The following CCDC186 variants were observed in gnomAD, a reference collection of about 807,000 sequenced individuals.
The protein encoded by CCDC186 is coiled-coil domain containing 186, also known as coiled-coil domain-containing protein 186.
In CCDC186, 49 loss-of-function variants were observed where a neutral mutation model predicts 113.7. The observed-to-expected ratio is 0.43, with a 90% confidence interval of 0.34 to 0.55. CCDC186 has a LOEUF of 0.55. Ranked by LOEUF, CCDC186 falls within the 20% of genes least tolerant of loss-of-function variation. The probability of loss-of-function intolerance (pLI) is 0.02; values close to 1 mark genes in which losing one functional copy is unlikely to be tolerated. For missense variants in CCDC186, 890 were observed against 1,011.1 expected, an observed-to-expected ratio of 0.88 and a Z score of 1.62; for synonymous variants, 355 against 345.8, an observed-to-expected ratio of 1.03 and a Z score of -0.30.
At chr10:114,162,432 A>G (rs937181781) in intron 2 of CCDC186, 6 of 448,164 alleles carry the variant, frequency 1.3e-5, no homozygotes, top group Admixed American at 1.2e-4. Context: ...CATTTACACT[A>G]TTTAACATAT....
intron 3 of CCDC186, among the ~76,000 whole-genome samples, chr10:114,154,210 C>CAAAAAAAAAAA (rs1276405190): frequency 2.5e-5 from 2 of 81,152 alleles, no homozygotes; most frequent in Non-Finnish European, 2.7e-5. Flanking sequence ...GACCTTGTCT[C>CAAAAAAAAAAA]AAAAAAAAAA....
chr10:114,155,430 T>A (rs532135907), intron 3 of CCDC186, among the ~76,000 whole-genome samples: 1 of 152,318 alleles, frequency 6.6e-6, no homozygotes, highest in East Asian at 1.9e-4. Context: ...ATCCCAGCAC[T>A]TTGAGAGGCC....
rs763015249 is a variant in CCDC186, at chr10:114,157,643, C to A, written c.670G>T (p.Val224Leu). The A allele has an allele frequency of 8.7e-6, 14 of 1,605,448 alleles. No homozygotes were observed. The highest frequency in any genetic ancestry group is 1.2e-5 in the Non-Finnish European group (14 of 1,176,120). Residue 224 changes from valine to leucine, a missense_variant, in exon 3 of 16, where the codon GTA becomes TTA. Physicochemically the swap from Val to Leu is conservative, Grantham distance 32. Transcript: ENST00000369287. ...TTGTCTTTTTCTGAACAAATGTCTACGAAGAGCTCCTGATGCTTCTTATTT... is the reference window on the plus strand; with the variant it reads ...TTGTCTTTTTCTGAACAAATGTCTAAGAAGAGCTCCTGATGCTTCTTATTT... Reference protein sequence around the residue: ...KENKKHQELFVDICSEKDNLR... With the variant: ...KENKKHQELFLDICSEKDNLR...
chr10:114,149,626 A>G (rs1172540643), intron 4 of CCDC186, among the ~76,000 whole-genome samples: 15 of 2,326 alleles, frequency 6.4e-3, no homozygotes, highest in African/African-American at 0.012. Context: ...AGGGAAGGAA[A>G]GGGAGGGGAG....
At chr10:114,172,129 T>C (rs1026958746) in intron 1 of CCDC186, among the ~76,000 whole-genome samples, 1 of 148,780 alleles carries the variant, frequency 6.7e-6, no homozygotes, top group Non-Finnish European at 1.5e-5. Context: ...ACCTAAGTTT[T>C]ACTAAAAGAA....
rs145345585 is a variant in CCDC186, at chr10:114,132,858, A to T, written c.1656-674T>A. Among the ~76,000 whole-genome samples the T allele has an allele frequency of 2.1e-3, 316 of 152,352 alleles. 6 individuals carry two copies. In the East Asian group the frequency reaches 0.033, roughly 16 times the overall value. On this transcript the variant is annotated intron_variant, in intron 10 of 15. Transcript: ENST00000369287. ...CAATATTGATGAAGAGAAAGACTGT[A>T]CTATATCCCTAGCACTTAACACAGG...
chr10:114,139,851 C>G (rs2031410919), intron 6 of CCDC186, among the ~76,000 whole-genome samples: 1 of 151,998 alleles, frequency 6.6e-6, no homozygotes, highest in African/African-American at 2.4e-5. Flanking sequence ...TCATTAATAA[C>G]TAAAAAGAGC....
At chr10:114,148,726 G>A (rs2119789482) in intron 4 of CCDC186, among the ~76,000 whole-genome samples, 1 of 152,358 alleles carries the variant, frequency 6.6e-6, no homozygotes, top group East Asian at 1.9e-4. Context: ...TTACTGCTCT[G>A]TGATACTTAT....
chr10:114,150,777 T>C (rs2031832009), intron 4 of CCDC186, among the ~76,000 whole-genome samples: 1 of 152,132 alleles, frequency 6.6e-6, no homozygotes, highest in Non-Finnish European at 1.5e-5. Flanking sequence ...GCCTCCCAAG[T>C]AGCTGGGACT....
chr10:114,173,168 T>C (rs1210841313), intron 1 of CCDC186: 3 of 455,764 alleles, frequency 6.6e-6, no homozygotes, highest in Non-Finnish European at 1.3e-5. Context: ...ATTTTTACTA[T>C]ATTCTCTCTT....
chr10:114,134,672 C>G (rs760998833), intron 10 of CCDC186, among the ~76,000 whole-genome samples: 1 of 152,142 alleles, frequency 6.6e-6, no homozygotes, highest in South Asian at 2.1e-4. Context: ...AGAGACTCAA[C>G]CTATTCTGTC....
At chr10:114,149,738 A>AAGGC (rs1564912840) in intron 4 of CCDC186, among the ~76,000 whole-genome samples, 9 of 71,468 alleles carry the variant, frequency 1.3e-4, no homozygotes, top group African/African-American at 4.2e-4. Flanking sequence ...GGGACGAAGG[A>AAGGC]AGGAAGGCAG....
intron 6 of CCDC186, 128 bp from the exon 7 acceptor site, chr10:114,137,418 A>C (rs1162774572): frequency 1.6e-6 from 1 of 623,626 alleles, no homozygotes; most frequent in Non-Finnish European, 2.8e-6. Context: ...TCTAGCAATA[A>C]TATTTTATGT....
At chr10:114,152,149 T>C (rs956508651) in intron 3 of CCDC186, among the ~76,000 whole-genome samples, 1 of 152,064 alleles carries the variant, frequency 6.6e-6, no homozygotes, top group Non-Finnish European at 1.5e-5. Context: ...AAGACCAGCA[T>C]GGTCAACACA....
chr10:114,142,349 G>A (rs2031495761), intron 6 of CCDC186, among the ~76,000 whole-genome samples: 2 of 152,228 alleles, frequency 1.3e-5, no homozygotes, highest in Non-Finnish European at 2.9e-5. Flanking sequence ...CTCTGAAGCA[G>A]TTATGTCTGG....
chr10:114,131,146 C>A lies in CCDC186; in HGVS notation c.2101+1G>T. ...GGTCTAAGTGTGGAAGAATTTTATA[C>A]CTTGCTGAAGTTGTTTGGTGAGATC... On this transcript the variant is annotated splice_donor_variant, in intron 12 of 15. Coordinates refer to ENST00000369287, the MANE Select transcript of CCDC186 (RefSeq NM_018017.4). LOFTEE classifies it high-confidence loss of function. 2 of 1,510,262 alleles carry A rather than the reference C, an allele frequency of 1.3e-6. No individual in the cohort carries two copies. The highest frequency in any genetic ancestry group is 1.8e-6 in the Non-Finnish European group (2 of 1,132,688). The allele number at this position is 1,510,262 out of a possible 1,614,324, so 93.6% of individuals were successfully genotyped here.
At chr10:114,139,203 C>CTT (rs78214340) in intron 6 of CCDC186, among the ~76,000 whole-genome samples, 59 of 134,234 alleles carry the variant, frequency 4.4e-4, no homozygotes, top group African/African-American at 7.7e-4. Context: ...CCCTTTGTTC[C>CTT]TTTTTTTTTT....
At chr10:114,150,155 T>C (rs2031802628) in intron 4 of CCDC186, among the ~76,000 whole-genome samples, 1 of 152,196 alleles carries the variant, frequency 6.6e-6, no homozygotes, top group Non-Finnish European at 1.5e-5. Flanking sequence ...ATCCATCACA[T>C]TCAAATAATG....
intron 6 of CCDC186, among the ~76,000 whole-genome samples, chr10:114,141,212 G>C (rs2031456367): frequency 6.6e-6 from 1 of 152,046 alleles, no homozygotes. Context: ...TACTGATCTA[G>C]TGTTCCTTCC....
Sources: gnomAD v4.1 joint callset for allele counts (sites outside exome capture counted in the v4.1 genomes callset) on GRCh38, gnomAD v4.1.1 for gene constraint, MANE v1.5 for transcripts, NCBI Gene and HGNC (gene_info 2026-07-23, HGNC 2026-07-21) for gene names.